ADCY9: variants seen among roughly 807,000 people sequenced by gnomAD.
The protein encoded by ADCY9 is adenylate cyclase 9, also known as adenylate cyclase type 9.
Under a neutral mutation model 101.5 loss-of-function variants are expected in ADCY9, and 50 were observed. That is an observed-to-expected ratio of 0.49 (90% CI 0.39 to 0.62). The LOEUF is 0.62. ADCY9 is among the 20% of genes least tolerant of loss of function. The pLI is 0.00. For synonymous variants in ADCY9, 905 were observed against 769.3 expected (o/e 1.18, Z -2.92); for missense variants, 1,662 against 1,800.4 (o/e 0.92, Z 1.39).
chr16:4,111,269 TG>T (rs142028011), intron 2 of ADCY9, among the ~76,000 whole-genome samples: 17,673 of 152,034 alleles, frequency 0.12, 1,106 homozygotes, highest in Middle Eastern at 0.16. Flanking sequence ...CACCCAGTAT[TG>T]GGGTTTTTTT....
At chr16:4,047,106 A>G (rs2056670363) in intron 2 of ADCY9, among the ~76,000 whole-genome samples, 1 of 152,236 alleles carries the variant, frequency 6.6e-6, no homozygotes, top group Non-Finnish European at 1.5e-5. Context: ...ATTGAATGCT[A>G]ATTTCTTCGT....
rs1170090126 is a variant in ADCY9, at chr16:4,110,376, C to CTTTTTTTTTT, written c.1693+3364_1693+3373dup. Among the ~76,000 whole-genome samples the CTTTTTTTTTT allele has an allele frequency of 9.9e-5, 11 of 110,742 alleles. 4 individuals carry two copies. The highest frequency in any genetic ancestry group is 9.1e-5 in the Non-Finnish European group (5 of 55,024). 72.7% of individuals were successfully genotyped at this position (110,742 alleles called of 152,430 possible). On this transcript the variant is annotated intron_variant, in intron 2 of 10. Transcript: ENST00000294016. ...AGTTTTGCAATCATACTTATACCTA[C>CTTTTTTTTTT]TTTTTTTTTTTTTTTTTTTTTTTTT...
intron 2 of ADCY9, among the ~76,000 whole-genome samples, chr16:4,099,298 T>C (rs1471097890): frequency 6.6e-6 from 1 of 152,092 alleles, no homozygotes; most frequent in Non-Finnish European, 1.5e-5. Flanking sequence ...CAGGCATTAG[T>C]GGGAAGATAC....
chr16:4,012,153 C>T (rs902138916), intron 2 of ADCY9, among the ~76,000 whole-genome samples: 2 of 152,192 alleles, frequency 1.3e-5, no homozygotes, highest in Admixed American at 1.3e-4. Context: ...ACTAGCTTTA[C>T]GAAGGTCAAA....
chr16:3,994,700 C>T lies in ADCY9; in HGVS notation c.1885-1190G>A, dbSNP rs574630056. On this transcript the variant is annotated intron_variant, in intron 3 of 10. Coordinates refer to ENST00000294016, the MANE Select transcript of ADCY9 (RefSeq NM_001116.4). The stretch of plus-strand genomic sequence containing the variant: ...CTTGAACTCCTGACCTCAGGTGATC[C>T]ACCCGTCTTGGCCTCCCAAAGTGCT... 2.6e-5 allele frequency among the ~76,000 whole-genome samples: 4 copies of T among 152,304 alleles called. No homozygotes were observed. In the East Asian group the frequency reaches 7.7e-4, roughly 29 times the overall value.
intron 8 of ADCY9, among the ~76,000 whole-genome samples, 178 bp downstream of exon 8, chr16:3,978,938 A>C (rs547721703): frequency 5.4e-4 from 82 of 152,198 alleles, no homozygotes; most frequent in African/African-American, 1.8e-3. Context: ...GATGGTCTCG[A>C]TCTCTTGACC....
chr16:3,959,958 G>A (rs571560836), downstream of ADCY9, among the ~76,000 whole-genome samples: 3 of 152,238 alleles, frequency 2.0e-5, no homozygotes, highest in East Asian at 1.9e-4. Flanking sequence ...CCCAGGAGGT[G>A]GAGGTTGTGG....
At chr16:4,019,267 C>A (rs554021875) in intron 2 of ADCY9, among the ~76,000 whole-genome samples, 2 of 152,236 alleles carry the variant, frequency 1.3e-5, no homozygotes, top group Admixed American at 6.5e-5. Context: ...CAGGCATGAA[C>A]CACCATGCCC....
In ADCY9 at chr16:4,115,811, G is replaced by T. The variant is rs576996414; in HGVS notation, c.-165C>A. On this transcript the variant is annotated 5_prime_UTR_variant, in exon 1 of 11. Coordinates refer to ENST00000294016, the MANE Select transcript of ADCY9 (RefSeq NM_001116.4). This position sits in a 1 kb window ranked among gnomAD's most constrained non-coding sequence, Gnocchi z 6.2. ...GCGCCGCGCGGCTTCTCCTCCTCGC[G>T]CGCTCGCCTCCTCCAGCTGCGGCTC... The T allele has an allele frequency of 4.5e-4, 179 of 400,908 alleles. 2 individuals carry two copies. Among genetic ancestry groups the T allele is most frequent in the African/African-American group, 3.5e-3 (172 of 48,502 alleles). 24.8% of individuals were successfully genotyped at this position (400,908 alleles called of 1,614,324 possible). A position where few individuals can be genotyped will look rare whatever the true frequency, so the allele number is the denominator to read the frequency against.
intron 2 of ADCY9, among the ~76,000 whole-genome samples, chr16:4,036,929 C>T (rs947410784): frequency 6.6e-6 from 1 of 152,138 alleles, no homozygotes; most frequent in Non-Finnish European, 1.5e-5. Flanking sequence ...CTCTGTTACC[C>T]TTCTTGCCAC....
At chr16:4,002,846 C>T (rs936706964) in intron 3 of ADCY9, among the ~76,000 whole-genome samples, 16 of 152,120 alleles carry the variant, frequency 1.1e-4, no homozygotes, top group African/African-American at 3.9e-4. Flanking sequence ...TCCTGAGTGG[C>T]TTAGGACTAC....
chr16:3,987,576 A>G (rs539463127), intron 6 of ADCY9, among the ~76,000 whole-genome samples: 2 of 152,308 alleles, frequency 1.3e-5, no homozygotes, highest in African/African-American at 4.8e-5. Context: ...CGGGCCACCA[A>G]CCAGCCAACT....
intron 2 of ADCY9, among the ~76,000 whole-genome samples, chr16:4,021,807 C>G (rs1316252264): frequency 6.6e-6 from 1 of 152,188 alleles, no homozygotes; most frequent in Non-Finnish European, 1.5e-5. Flanking sequence ...GCACCAGACT[C>G]CACTTCATCA....
chr16:4,049,460 A>C (rs1363553910), intron 2 of ADCY9, among the ~76,000 whole-genome samples: 1 of 152,184 alleles, frequency 6.6e-6, no homozygotes, highest in Non-Finnish European at 1.5e-5. Context: ...GATGCTGGCT[A>C]ATCAAATAGT....
intron 3 of ADCY9, among the ~76,000 whole-genome samples, chr16:4,004,598 G>T (rs1170322982): frequency 6.6e-6 from 1 of 152,214 alleles, no homozygotes; most frequent in Non-Finnish European, 1.5e-5. Flanking sequence ...AAGCCAAAAA[G>T]AAACTGTTAA....
chr16:3,979,320 G>A, intron 7 of ADCY9, 45 bp from the exon 8 acceptor site: 2 of 1,604,814 alleles, frequency 1.2e-6, no homozygotes, highest in Non-Finnish European at 1.7e-6. Context: ...GGCCCGGGGT[G>A]GGTCATCGGC....
At chr16:4,004,143 C>G (rs1204785325) in intron 3 of ADCY9, among the ~76,000 whole-genome samples, 2 of 150,686 alleles carry the variant, frequency 1.3e-5, no homozygotes, top group African/African-American at 4.9e-5. Flanking sequence ...AGCTACTCAG[C>G]AGGTTGACTT....
At chr16:4,099,722 T>C (rs570243832) in intron 2 of ADCY9, among the ~76,000 whole-genome samples, 2 of 152,312 alleles carry the variant, frequency 1.3e-5, no homozygotes, top group East Asian at 1.9e-4. Flanking sequence ...AGAGTTTATA[T>C]TGATTCTTGA....
At chr16:3,977,124 T>A (rs1395290681) in intron 9 of ADCY9, among the ~76,000 whole-genome samples, 1 of 152,234 alleles carries the variant, frequency 6.6e-6, no homozygotes, top group Non-Finnish European at 1.5e-5. Flanking sequence ...GCTCCGCTCT[T>A]TCATGGCCTT....
Sources: allele counts gnomAD v4.1 joint callset (sites outside exome capture counted in the v4.1 genomes callset), GRCh38; gene constraint gnomAD v4.1.1; non-coding constraint Gnocchi (gnomAD v3.1); transcripts MANE v1.5; gene names NCBI Gene and HGNC (gene_info 2026-07-23, HGNC 2026-07-21).